The following NTM variants were observed in gnomAD, a reference collection of about 807,000 sequenced individuals.
NTM encodes IgLON family member 2.
In NTM, 13 loss-of-function variants were observed where a neutral mutation model predicts 42.1. The ratio of observed to expected loss-of-function variants is 0.31; its 90% CI spans 0.20 to 0.49. NTM has a LOEUF of 0.49. Ranked by LOEUF, NTM falls within the 20% of genes least tolerant of loss-of-function variation. NTM has a pLI of 0.99. For synonymous variants in NTM, 187 were observed against 179.2 expected (o/e 1.04, Z -0.35); for missense variants, 373 against 452.8 (o/e 0.82, Z 1.60).
Position 132,225,511 on chromosome 11 carries a change from C to T in NTM, c.526+13364C>T, listed in dbSNP as rs567730013. On this transcript the variant is annotated intron_variant, in intron 4 of 8. Transcript: ENST00000683400. ...CCATGAGTGGGGAATGCATTTGGTG[C>T]GTATGAAGAACAGCAAGAATTCTGG... Among the ~76,000 whole-genome samples, 6 of 152,046 alleles carry T rather than the reference C, an allele frequency of 3.9e-5. No homozygotes were observed. The South Asian group carries it at 1.3e-3, about 32-fold the overall frequency.
At chr11:131,818,057 T>C (rs1467583674) in intron 1 of NTM, among the ~76,000 whole-genome samples, 1 of 152,140 alleles carries the variant, frequency 6.6e-6, no homozygotes, top group Non-Finnish European at 1.5e-5. Flanking sequence ...TTGACACACA[T>C]CAGCGGCTTT....
At chr11:132,301,246 CCAT>C (rs1357348712) in intron 4 of NTM, among the ~76,000 whole-genome samples, 2 of 152,142 alleles carry the variant, frequency 1.3e-5, no homozygotes, top group African/African-American at 4.8e-5. Context: ...CCTTATAAAA[CCAT>C]CAGATCTTGT....
chr11:131,412,042 G>T (rs1946480821), intron 1 of NTM, among the ~76,000 whole-genome samples: 2 of 152,184 alleles, frequency 1.3e-5, no homozygotes, highest in Admixed American at 1.3e-4. Context: ...TGAGGCCCGG[G>T]TGCCAGCCTG....
At chr11:132,016,614 A>T (rs553887848) in intron 2 of NTM, among the ~76,000 whole-genome samples, 1 of 151,964 alleles carries the variant, frequency 6.6e-6, no homozygotes, top group African/African-American at 2.4e-5. Context: ...ATTCACCTAC[A>T]TGTCTTTATG....
intron 4 of NTM, among the ~76,000 whole-genome samples, chr11:132,280,686 A>G (rs999173675): frequency 6.6e-6 from 1 of 151,852 alleles, no homozygotes; most frequent in Non-Finnish European, 1.5e-5. Context: ...GGGTTTCACC[A>G]TGTTGGCCAG....
chr11:131,883,529 C>T (rs1291505959), intron 1 of NTM, among the ~76,000 whole-genome samples: 1 of 152,138 alleles, frequency 6.6e-6, no homozygotes, highest in South Asian at 2.1e-4. Flanking sequence ...AGGTATATAG[C>T]GCCATCACTG....
chr11:131,539,421 G>A (rs921853208), intron 1 of NTM: 26 of 152,388 alleles, frequency 1.7e-4, no homozygotes, highest in African/African-American at 6.3e-4. Flanking sequence ...CACCAATAGA[G>A]AAAAGTGGGG....
rs530196308 is a variant in NTM at position 132,087,645 on chromosome 11, G to C, written c.168-58637G>C. Among the ~76,000 whole-genome samples the C allele has an allele frequency of 2.6e-5, 4 of 152,184 alleles. No individual in the cohort carries two copies. The South Asian group carries it at 8.3e-4, about 32-fold the overall frequency. On this transcript the variant is annotated intron_variant, in intron 2 of 8. Coordinates refer to ENST00000683400, the MANE Select transcript of NTM (RefSeq NM_001352005.2). Reference sequence around the variant, plus strand: ...ACAAGGAAGGGGAAAAGGGTGTCCTGTGAATTGTGGTCCTGGTCTAATAAG... The same window carrying C: ...ACAAGGAAGGGGAAAAGGGTGTCCTCTGAATTGTGGTCCTGGTCTAATAAG...
At chr11:131,650,437 A>G (rs930058581) in intron 1 of NTM, among the ~76,000 whole-genome samples, 4 of 152,198 alleles carry the variant, frequency 2.6e-5, no homozygotes, top group Admixed American at 2.6e-4. Context: ...CTCTGCTCCA[A>G]CATGGCTCCT....
chr11:131,863,790 A>C (rs2046874614), intron 1 of NTM, among the ~76,000 whole-genome samples: 1 of 152,210 alleles, frequency 6.6e-6, no homozygotes, highest in Admixed American at 6.5e-5. Flanking sequence ...GCTGCCAATC[A>C]AACATGAGCT....
intron 1 of NTM, among the ~76,000 whole-genome samples, chr11:131,576,751 C>T (rs143184003): frequency 8.6e-4 from 131 of 152,294 alleles, no homozygotes; most frequent in East Asian, 2.7e-3. Flanking sequence ...TGATCCCTGA[C>T]GTAAATAATA....
At chr11:132,112,327 G>A (rs1306358444) in intron 2 of NTM, among the ~76,000 whole-genome samples, 2 of 152,122 alleles carry the variant, frequency 1.3e-5, no homozygotes, top group Non-Finnish European at 2.9e-5. Flanking sequence ...TTGCACACAT[G>A]TTTCACAGAA....
chr11:132,302,039 A>C (rs2094883474), intron 4 of NTM, among the ~76,000 whole-genome samples: 1 of 152,192 alleles, frequency 6.6e-6, no homozygotes. Context: ...TTTCTTTTCC[A>C]AAGGGATGTT....
chr11:132,297,681 C>T (rs1202065621), intron 4 of NTM, among the ~76,000 whole-genome samples: 1 of 152,140 alleles, frequency 6.6e-6, no homozygotes, highest in African/African-American at 2.4e-5. Context: ...GTTCTTTTGC[C>T]TATCATCATC....
chr11:132,237,702 C>T (rs1330252268), intron 4 of NTM, among the ~76,000 whole-genome samples: 2 of 152,098 alleles, frequency 1.3e-5, no homozygotes, highest in African/African-American at 4.8e-5. Flanking sequence ...AACTGTCCTC[C>T]CCTGTAAATC....
At chr11:131,837,896 G>T (rs1353227620) in intron 1 of NTM, among the ~76,000 whole-genome samples, 1 of 152,192 alleles carries the variant, frequency 6.6e-6, no homozygotes, top group Non-Finnish European at 1.5e-5. Context: ...AAGGTTGTGT[G>T]TAATACCAGG....
chr11:132,087,894 C>T (rs1445423326), intron 2 of NTM, among the ~76,000 whole-genome samples: 4 of 152,194 alleles, frequency 2.6e-5, no homozygotes, highest in African/African-American at 9.6e-5. Flanking sequence ...GATGTGGATG[C>T]ATAGTGGGAA....
At chr11:132,330,986 C>T (rs2095791968) in intron 8 of NTM, among the ~76,000 whole-genome samples, 1 of 152,222 alleles carries the variant, frequency 6.6e-6, no homozygotes, top group Non-Finnish European at 1.5e-5. Context: ...TTCATCTCAT[C>T]TCATGGAATC....
At chr11:131,706,215 T>C (rs950205682) in intron 1 of NTM, among the ~76,000 whole-genome samples, 1 of 151,398 alleles carries the variant, frequency 6.6e-6, no homozygotes, top group Non-Finnish European at 1.5e-5. Context: ...AGACTTTAAG[T>C]CAAAAATTGT....
Sources: allele counts gnomAD v4.1 joint callset (sites outside exome capture counted in the v4.1 genomes callset), GRCh38; gene constraint gnomAD v4.1.1; transcripts MANE v1.5; gene names NCBI Gene and HGNC (gene_info 2026-07-23, HGNC 2026-07-21).